AUTS2: variants seen among roughly 807,000 people sequenced by gnomAD.
AUTS2 encodes the protein activator of transcription and developmental regulator AUTS2.
Under a neutral mutation model 112.4 loss-of-function variants are expected in AUTS2, and 17 were observed. That is an observed-to-expected ratio of 0.15 (90% CI 0.10 to 0.23). AUTS2 has a LOEUF of 0.23. AUTS2 is among the 10% of genes least tolerant of loss of function. AUTS2 has a pLI of 1.00. For missense variants in AUTS2, 1,510 were observed against 1,701.6 expected, an observed-to-expected ratio of 0.89 and a Z score of 1.98; for synonymous variants, 751 against 702.7, an observed-to-expected ratio of 1.07 and a Z score of -1.09.
intron 2 of AUTS2, among the ~76,000 whole-genome samples, chr7:70,044,818 C>G (rs1285063580): frequency 6.6e-6 from 1 of 151,982 alleles, no homozygotes; most frequent in Non-Finnish European, 1.5e-5. Context: ...GGTAAGATGA[C>G]CAGATTCAAC....
At chr7:70,121,671 G>A (rs1269016142) in intron 3 of AUTS2, among the ~76,000 whole-genome samples, 1 of 152,088 alleles carries the variant, frequency 6.6e-6, no homozygotes, top group Non-Finnish European at 1.5e-5. Flanking sequence ...AAAAGAGAAT[G>A]AAAAATAAGA....
intron 6 of AUTS2, among the ~76,000 whole-genome samples, chr7:70,706,163 TACA>T (rs1302157658): frequency 6.6e-6 from 1 of 152,216 alleles, no homozygotes; most frequent in African/African-American, 2.4e-5. Flanking sequence ...CTCAGAGTCC[TACA>T]ACAACAAAAG....
intron 5 of AUTS2, among the ~76,000 whole-genome samples, chr7:70,566,212 A>G (rs1488768527): frequency 6.6e-6 from 1 of 152,180 alleles, no homozygotes; most frequent in Non-Finnish European, 1.5e-5. Context: ...CAAATTACCA[A>G]CAGACTTCCT....
At chr7:70,184,055 G>A (rs1250030635) in intron 4 of AUTS2, among the ~76,000 whole-genome samples, 3 of 152,056 alleles carry the variant, frequency 2.0e-5, no homozygotes, top group South Asian at 2.1e-4. Flanking sequence ...TAGGTAAGTC[G>A]GATTTTCTTT....
intron 1 of AUTS2, among the ~76,000 whole-genome samples, chr7:69,865,977 C>T (rs1342599722): frequency 6.6e-6 from 1 of 152,120 alleles, no homozygotes; most frequent in East Asian, 1.9e-4. Context: ...TGTTTGTAGT[C>T]TTCTCCCTGA....
intron 1 of AUTS2, among the ~76,000 whole-genome samples, chr7:69,779,326 A>G (rs210593): frequency 0.39 from 58,864 of 152,080 alleles, 11,701 homozygotes; most frequent in African/African-American, 0.47. Context: ...TGGAAAGGTT[A>G]TCTTTTCACA....
intron 5 of AUTS2, among the ~76,000 whole-genome samples, chr7:70,444,373 T>TGTGTGA (rs372696006): frequency 7.0e-5 from 10 of 142,512 alleles, no homozygotes; most frequent in South Asian, 2.3e-4. Context: ...TGTGTGTGTG[T>TGTGTGA]GAGAGAGAGA....
intron 1 of AUTS2, among the ~76,000 whole-genome samples, chr7:69,759,468 G>A (rs1460986297): frequency 1.3e-5 from 2 of 152,018 alleles, no homozygotes; most frequent in East Asian, 3.9e-4. Context: ...TTTTTCACTT[G>A]TGGTATCATA....
At chr7:69,823,494 A>G (rs897675400) in intron 1 of AUTS2, among the ~76,000 whole-genome samples, 3 of 152,230 alleles carry the variant, frequency 2.0e-5, no homozygotes, top group Non-Finnish European at 2.9e-5. Flanking sequence ...CACAGCAGCT[A>G]CAGTCCATCA....
chr7:70,739,035 T>TTTTTTG (rs1787946528), intron 6 of AUTS2, among the ~76,000 whole-genome samples: 1 of 82,518 alleles, frequency 1.2e-5, no homozygotes, highest in Non-Finnish European at 2.2e-5. Flanking sequence ...TTTTTTTTTT[T>TTTTTTG]TTGAGAGAGA....
At chr7:70,621,034 G>A (rs1049663234) in intron 5 of AUTS2, among the ~76,000 whole-genome samples, 4 of 152,208 alleles carry the variant, frequency 2.6e-5, no homozygotes, top group Admixed American at 2.6e-4. Flanking sequence ...GTATGGCGGC[G>A]GTGGGGTAGG....
intron 2 of AUTS2, among the ~76,000 whole-genome samples, chr7:69,987,681 G>A: frequency 6.6e-6 from 1 of 152,088 alleles, no homozygotes; most frequent in East Asian, 1.9e-4. Flanking sequence ...TGTTGCCCAT[G>A]CTGGTCTCAA....
intron 2 of AUTS2, among the ~76,000 whole-genome samples, chr7:69,981,715 A>G (rs1798301762): frequency 6.6e-6 from 1 of 152,220 alleles, no homozygotes; most frequent in African/African-American, 2.4e-5. Context: ...AAATTGTAGA[A>G]AAATCTTAAG....
intron 1 of AUTS2, among the ~76,000 whole-genome samples, chr7:69,685,483 C>G (rs1797022264): frequency 6.6e-6 from 1 of 152,170 alleles, no homozygotes; most frequent in Non-Finnish European, 1.5e-5. Flanking sequence ...TGGCCACCAT[C>G]TAGTCTTAGA....
chr7:70,649,301 G>A (rs1279548582), intron 5 of AUTS2, among the ~76,000 whole-genome samples: 2 of 151,858 alleles, frequency 1.3e-5, no homozygotes, highest in Admixed American at 1.3e-4. Flanking sequence ...TTGGGTGTTT[G>A]AGGTGGAAGG....
intron 2 of AUTS2, among the ~76,000 whole-genome samples, chr7:69,951,372 T>C (rs987893304): frequency 3.9e-5 from 6 of 152,248 alleles, no homozygotes; most frequent in Middle Eastern, 3.4e-3. Flanking sequence ...TTCTCAGTTC[T>C]TGTTCTGATC....
Position 70,139,683 on chromosome 7 carries a change from A to G in AUTS2, c.660+5112A>G, listed in dbSNP as rs951129065. On this transcript the variant is annotated intron_variant, in intron 4 of 18. Transcript: ENST00000342771. ...AAGGAAGATGAAAAGTTACTACACAAATTTCAACAAAGATTTCTATAATTT... is the reference window on the plus strand; with the variant it reads ...AAGGAAGATGAAAAGTTACTACACAGATTTCAACAAAGATTTCTATAATTT... Among the ~76,000 whole-genome samples, 3 of 152,110 alleles carry G rather than the reference A, an allele frequency of 2.0e-5. No homozygotes were observed. The South Asian group carries it at 6.2e-4, about 32-fold the overall frequency.
chr7:69,646,481 C>G (rs1795026610), intron 1 of AUTS2, among the ~76,000 whole-genome samples: 1 of 152,108 alleles, frequency 6.6e-6, no homozygotes. Flanking sequence ...CTTAAAAGGA[C>G]GGATGGTTGG....
intron 1 of AUTS2, among the ~76,000 whole-genome samples, chr7:69,865,769 T>C (rs1467481550): frequency 6.6e-6 from 1 of 152,180 alleles, no homozygotes; most frequent in African/African-American, 2.4e-5. Flanking sequence ...TCATCCATTA[T>C]ACAAAAAAGC....
Sources: allele counts gnomAD v4.1 joint callset (sites outside exome capture counted in the v4.1 genomes callset), GRCh38; gene constraint gnomAD v4.1.1; transcripts MANE v1.5; gene names NCBI Gene and HGNC (gene_info 2026-07-23, HGNC 2026-07-21).